The following JADE1 variants were observed in gnomAD, a reference collection of about 807,000 sequenced individuals.
The protein encoded by JADE1 is jade family PHD finger 1.
In JADE1, 14 loss-of-function variants were observed where a neutral mutation model predicts 81.8. That is an observed-to-expected ratio of 0.17 (90% CI 0.11 to 0.27). The LOEUF is 0.27. Ranked by LOEUF, JADE1 falls within the 10% of genes least tolerant of loss-of-function variation. The pLI, the probability that JADE1 is intolerant of heterozygous loss-of-function variation, is 1.00. For synonymous variants in JADE1, 353 were observed against 391.9 expected (o/e 0.90, Z 1.17); for missense variants, 690 against 1,047.9 (o/e 0.66, Z 4.71).
intron 2 of JADE1, among the ~76,000 whole-genome samples, chr4:128,833,648 C>T (rs1728735583): frequency 1.3e-5 from 2 of 152,248 alleles, no homozygotes; most frequent in Non-Finnish European, 2.9e-5. Flanking sequence ...GAGCCGAGAT[C>T]GTGGCCCCTG....
At position 128,846,191 on chromosome 4, in the gene JADE1, AC is replaced by A. The variant is rs1413086889; in HGVS notation, c.139-178del. On this transcript the variant is annotated intron_variant, in intron 3 of 10. Coordinates refer to ENST00000226319, the MANE Select transcript of JADE1 (RefSeq NM_199320.4). The surrounding 1 kb of genome is among the most constrained non-coding windows in gnomAD (Gnocchi z 4.0). ...AGGGCAGTGTTCCCTCAGCACTGCC[AC>A]CCCCCATGCCTGAGTGAGGTAAAAG... Among the ~76,000 whole-genome samples, 3 of 151,964 alleles carry A rather than the reference AC, an allele frequency of 2.0e-5. No individual in the cohort carries two copies. The highest frequency in any genetic ancestry group is 7.3e-5 in the African/African-American group (3 of 41,354).
At chr4:128,831,629 T>C (rs1728563153) in intron 1 of JADE1, 104 bp from the exon 2 acceptor site, 2 of 894,514 alleles carry the variant, frequency 2.2e-6, no homozygotes, top group African/African-American at 3.3e-5. Flanking sequence ...CTTAAAGCCA[T>C]TTGTTTGCTT....
Position 128,872,340 on chromosome 4 carries a change from C to A in JADE1, c.*78C>A. The A allele has an allele frequency of 8.1e-7, 1 of 1,231,384 alleles. No individual in the cohort carries two copies. The allele number at this position is 1,231,384 out of a possible 1,614,324, so 76.3% of individuals were successfully genotyped here. On this transcript the variant is annotated 3_prime_UTR_variant, in exon 11 of 11. Transcript: ENST00000226319. ...GGAGAGCTCTGATGTGGGGGAGAAG[C>A]AGAAACCCATTAATCCTGAGCTACA...
At chr4:128,815,015 G>A (rs1206395815) in intron 1 of JADE1, among the ~76,000 whole-genome samples, 1 of 151,158 alleles carries the variant, frequency 6.6e-6, no homozygotes, top group Non-Finnish European at 1.5e-5. Flanking sequence ...ATTGCATTTG[G>A]TTGTTTCCCT....
At chr4:128,816,667 T>C (rs1439827628) in intron 1 of JADE1, among the ~76,000 whole-genome samples, 1 of 152,210 alleles carries the variant, frequency 6.6e-6, no homozygotes, top group Non-Finnish European at 1.5e-5. Context: ...TTACGTTTAA[T>C]CCCTTAGACC....
intron 1 of JADE1, among the ~76,000 whole-genome samples, chr4:128,829,962 C>A (rs1327159179): frequency 1.3e-5 from 2 of 151,846 alleles, no homozygotes; most frequent in Non-Finnish European, 2.9e-5. Flanking sequence ...ATTCCAACCT[C>A]CGCCTCCCGG....
intron 9 of JADE1, chr4:128,864,124 G>A (rs1731597167): frequency 1.0e-6 from 1 of 982,812 alleles, no homozygotes; most frequent in African/African-American, 1.8e-5. Flanking sequence ...AAAAGCCTAA[G>A]GAACTTTAAA....
chr4:128,832,962 A>C (rs1728677040), intron 2 of JADE1, among the ~76,000 whole-genome samples: 1 of 152,130 alleles, frequency 6.6e-6, no homozygotes, highest in East Asian at 1.9e-4. Context: ...GGGGAGGAGA[A>C]TTGGCCGTTA....
At chr4:128,851,932 T>G in intron 5 of JADE1, 125 bp from the exon 6 acceptor site, 1 of 706,742 alleles carries the variant, frequency 1.4e-6, no homozygotes, top group South Asian at 2.1e-5. Flanking sequence ...AGTGATTGGA[T>G]TTATTTATTG....
intron 5 of JADE1, among the ~76,000 whole-genome samples, chr4:128,850,576 A>G (rs1447057273): frequency 1.3e-5 from 2 of 152,218 alleles, no homozygotes; most frequent in Non-Finnish European, 2.9e-5. Context: ...TTTAGGTATT[A>G]ATGGCCAAAA....
chr4:128,832,601 T>C (rs938019216), intron 2 of JADE1, among the ~76,000 whole-genome samples: 3 of 152,154 alleles, frequency 2.0e-5, no homozygotes, highest in East Asian at 1.9e-4. Flanking sequence ...TAGACATATG[T>C]AAGAAGAGCT....
At position 128,871,508 on chromosome 4, in the gene JADE1, A is replaced by T. The variant is rs1732193652; in HGVS notation, c.1775A>T (p.Lys592Ile). ...QMGTSLVHSLKKPHKRDPLQN... is the reference protein window; with the variant it reads ...QMGTSLVHSLIKPHKRDPLQN... ...GGTACTTCCTTGGTTCATTCGCTGA[A>T]AAAGCCCCATAAGCGAGATCCTTTG... The change falls in exon 11 of 11, where the codon AAA becomes ATA. Residue 592 changes from lysine to isoleucine, a missense_variant. Lys to Ile is a moderately radical substitution (Grantham distance 102, BLOSUM62 -3). Around this residue, in one of 8 missense-constraint regions of JADE1, gnomAD observed 86 missense variants for 95.4 expected, o/e 0.90. Coordinates refer to ENST00000226319, the MANE Select transcript of JADE1 (RefSeq NM_199320.4). This position sits in a 1 kb window ranked among gnomAD's most constrained non-coding sequence, Gnocchi z 4.1. 6.2e-7 allele frequency: 1 copy of T among 1,614,192 alleles called. No individual in the cohort carries two copies. The highest frequency in any genetic ancestry group is 2.2e-5 in the East Asian group (1 of 44,886).
chr4:128,832,644 A>G (rs1274396208), intron 2 of JADE1, among the ~76,000 whole-genome samples: 2 of 152,218 alleles, frequency 1.3e-5, no homozygotes, highest in African/African-American at 4.8e-5. Flanking sequence ...AGTAATAGAG[A>G]TGTCTTTTTG....
At chr4:128,830,034 C>G (rs565974245) in intron 1 of JADE1, among the ~76,000 whole-genome samples, 1 of 151,678 alleles carries the variant, frequency 6.6e-6, no homozygotes, top group South Asian at 2.1e-4. Flanking sequence ...CGCGCCACCA[C>G]GCACGGCTAA....
At position 128,872,042 on chromosome 4, in the gene JADE1, G is replaced by A. The variant is rs759129941; in HGVS notation, c.2309G>A (p.Cys770Tyr). The A allele has an allele frequency of 1.9e-6, 3 of 1,613,948 alleles. No homozygotes were observed. The Admixed American group carries it at 5.0e-5, about 27-fold the overall frequency. The change falls in exon 11 of 11, where the codon TGC becomes TAC. Residue 770 changes from cysteine to tyrosine, a missense_variant. Coordinates refer to ENST00000226319, the MANE Select transcript of JADE1 (RefSeq NM_199320.4). The stretch of plus-strand genomic sequence containing the variant: ...CAGGGAGAGGCCCACGATGGGGCCT[G>A]CCACCAGCACTCAGACTACCCATAT... ...QQQGEAHDGACHQHSDYPYLG... is the reference protein window; with the variant it reads ...QQQGEAHDGAYHQHSDYPYLG...
intron 1 of JADE1, among the ~76,000 whole-genome samples, chr4:128,829,031 T>A (rs1728309015): frequency 6.6e-6 from 1 of 152,166 alleles, no homozygotes; most frequent in African/African-American, 2.4e-5. Context: ...TGCCTTTCCC[T>A]TTTCCCTTTT....
intron 6 of JADE1, 144 bp from the exon 7 acceptor site, chr4:128,855,486 G>A (rs983336200): frequency 3.6e-5 from 30 of 831,140 alleles, no homozygotes; most frequent in Non-Finnish European, 4.4e-5. Flanking sequence ...GGAGACGGTC[G>A]TAGCCAGGAA....
chr4:128,851,000 G>A lies in JADE1; in HGVS notation c.485-1057G>A, dbSNP rs370868508. Among the ~76,000 whole-genome samples the A allele has an allele frequency of 3.3e-5, 5 of 152,146 alleles. No homozygotes were observed. In the South Asian group the frequency reaches 1.0e-3, roughly 32 times the overall value. On this transcript the variant is annotated intron_variant, in intron 5 of 10. Transcript: ENST00000226319. The stretch of plus-strand genomic sequence containing the variant: ...TGCTGGAGTGCAGGGGTGCAATCTC[G>A]GCTGACTGCAACCTCTACCTCCTGA...
chr4:128,829,629 T>G (rs1450645304), intron 1 of JADE1, among the ~76,000 whole-genome samples: 2 of 152,154 alleles, frequency 1.3e-5, no homozygotes, highest in Non-Finnish European at 2.9e-5. Flanking sequence ...AAGGCAAACT[T>G]CACTGATGTT....
Sources: allele counts gnomAD v4.1 joint callset (sites outside exome capture counted in the v4.1 genomes callset), GRCh38; gene constraint gnomAD v4.1.1; regional missense constraint gnomAD v4.1.1; non-coding constraint Gnocchi (gnomAD v3.1); transcripts MANE v1.5; gene names NCBI Gene and HGNC (gene_info 2026-07-23, HGNC 2026-07-21).